The following TECPR2 variants were observed in gnomAD, a reference collection of about 807,000 sequenced individuals.
TECPR2 encodes tectonin beta-propeller repeat containing 2.
In TECPR2, 65 loss-of-function variants were observed where a neutral mutation model predicts 138.1. That is an observed-to-expected ratio of 0.47 (90% CI 0.39 to 0.58). TECPR2 has a LOEUF of 0.58. TECPR2 is among the 20% of genes least tolerant of loss of function. The pLI is 0.00. For missense variants in TECPR2, 1,553 were observed against 1,824.5 expected (o/e 0.85, Z 2.71); for synonymous variants, 746 against 749.8 (o/e 0.99, Z 0.08).
At chr14:102,447,129 C>A (rs538349289) in intron 13 of TECPR2, among the ~76,000 whole-genome samples, 1 of 152,182 alleles carries the variant, frequency 6.6e-6, no homozygotes, top group Non-Finnish European at 1.5e-5. Flanking sequence ...CCAGCAAGAG[C>A]GCCTAGAATG....
Position 102,443,381 on chromosome 14 carries a change from C to T in TECPR2, c.2753-266C>T, listed in dbSNP as rs984409971. Among the ~76,000 whole-genome samples the T allele has an allele frequency of 2.0e-5, 3 of 152,182 alleles. No homozygotes were observed. Among genetic ancestry groups the T allele is most frequent in the Non-Finnish European group, 1.5e-5 (1 of 68,034 alleles). On this transcript the variant is annotated intron_variant, in intron 11 of 19. Transcript: ENST00000359520. The surrounding 1 kb of genome is among the most constrained non-coding windows in gnomAD (Gnocchi z 4.9). ...ACAACAAAAAAGCGGCCGGACAGGG[C>T]AGCTCCTGCCTGTAATCCCAGCACT...
chr14:102,466,263 A>G (rs894572633), intron 17 of TECPR2, among the ~76,000 whole-genome samples: 2 of 152,178 alleles, frequency 1.3e-5, no homozygotes, highest in African/African-American at 4.8e-5. Context: ...ACTAGCGGTC[A>G]TGGCCACAGG....
intron 2 of TECPR2, among the ~76,000 whole-genome samples, chr14:102,397,285 T>C (rs1170706196): frequency 6.6e-6 from 1 of 152,096 alleles, no homozygotes; most frequent in East Asian, 1.9e-4. Flanking sequence ...TACCACAGTA[T>C]TAGATTCAAA....
chr14:102,385,988 T>C (rs1053174725), intron 2 of TECPR2, among the ~76,000 whole-genome samples: 1 of 152,012 alleles, frequency 6.6e-6, no homozygotes, highest in Non-Finnish European at 1.5e-5. Context: ...CACCCATACA[T>C]GCATATGCCT....
At chr14:102,430,336 A>G (rs1005776) in intron 7 of TECPR2, among the ~76,000 whole-genome samples, 101,200 of 152,114 alleles carry the variant, frequency 0.67, 33,869 homozygotes, top group Non-Finnish European at 0.7. Context: ...GTGGCTGCCT[A>G]TTGGACAGGG....
At chr14:102,497,528 C>T (rs765582901) in intron 18 of TECPR2, 42 bp from the exon 19 acceptor site, 5 of 1,469,500 alleles carry the variant, frequency 3.4e-6, no homozygotes, top group East Asian at 2.5e-5. Flanking sequence ...CGGCCCATCC[C>T]GTCCATGGCA....
chr14:102,430,600 G>A (rs1324820598), intron 7 of TECPR2, among the ~76,000 whole-genome samples: 1 of 152,226 alleles, frequency 6.6e-6, no homozygotes, highest in Non-Finnish European at 1.5e-5. Flanking sequence ...ATCAAAGTGG[G>A]CTGTGGTCTT....
intron 2 of TECPR2, among the ~76,000 whole-genome samples, chr14:102,384,703 G>A (rs1887944932): frequency 6.7e-6 from 1 of 149,486 alleles, no homozygotes; most frequent in African/African-American, 2.5e-5. Context: ...ATATATATGT[G>A]TGTGTGTGTG....
In TECPR2 at chr14:102,438,185, A is replaced by G; in HGVS notation, c.2558A>G (p.Gln853Arg). 6.2e-7 allele frequency: 1 copy of G among 1,609,182 alleles called. No individual in the cohort carries two copies. The highest frequency in any genetic ancestry group is 8.5e-7 in the Non-Finnish European group (1 of 1,179,438). The stretch of plus-strand genomic sequence containing the variant: ...CAGAAGTTTGAAGATGCTGTCCAGC[A>G]GGTGGCAGTCTCGCCCTCAGGTTCG... ...RWQKFEDAVQ[Q>R]VAVSPSGALL... The change falls in exon 10 of 20, where the codon CAG becomes CGG. Residue 853 changes from glutamine (Q) to arginine (R), a missense_variant. Physicochemically the swap from Gln to Arg is conservative, Grantham distance 43 (BLOSUM62 1). Coordinates refer to ENST00000359520, the MANE Select transcript of TECPR2 (RefSeq NM_014844.5).
chr14:102,363,013 C>T lies in TECPR2; in HGVS notation c.-176C>T, dbSNP rs1416208843. ...TTCGGTGCTGGCCCCGGTGCCGGCC[C>T]CGTTGCCCAGGGAACAGGCTCCCGG... On this transcript the variant is annotated 5_prime_UTR_variant, in exon 1 of 20. Coordinates refer to ENST00000359520, the MANE Select transcript of TECPR2 (RefSeq NM_014844.5). 31 of 943,336 alleles carry T rather than the reference C, an allele frequency of 3.3e-5. 1 individual carries two copies. In the Admixed American group the frequency reaches 6.6e-4, roughly 20 times the overall value. The allele number at this position is 943,336 out of a possible 1,614,324, so 58.4% of individuals were successfully genotyped here.
intron 16 of TECPR2, among the ~76,000 whole-genome samples, chr14:102,454,447 G>A (rs1431032591): frequency 6.6e-6 from 1 of 152,146 alleles, no homozygotes; most frequent in Non-Finnish European, 1.5e-5. Flanking sequence ...TTTGTCCAGG[G>A]CAACTTTTGT....
At chr14:102,473,542 T>C (rs1435313471) in intron 17 of TECPR2, among the ~76,000 whole-genome samples, 6 of 152,234 alleles carry the variant, frequency 3.9e-5, no homozygotes, top group Non-Finnish European at 8.8e-5. Context: ...GGATAGATGC[T>C]CAAGGGCACA....
chr14:102,454,245 G>A (rs1444465150), intron 16 of TECPR2, among the ~76,000 whole-genome samples: 2 of 152,120 alleles, frequency 1.3e-5, no homozygotes, highest in Non-Finnish European at 2.9e-5. Flanking sequence ...TATGCTACCA[G>A]CTGATGAGAG....
intron 5 of TECPR2, among the ~76,000 whole-genome samples, chr14:102,421,428 C>T (rs1237826418): frequency 6.6e-6 from 1 of 152,146 alleles, no homozygotes; most frequent in Non-Finnish European, 1.5e-5. Context: ...CTCCTTGGAC[C>T]CTATCCAAAG....
rs1891323763 is a variant in TECPR2 at position 102,497,661 on chromosome 14, C to T, written c.4023C>T (p.Asp1341=). ...TCGCCCGGCGGTACGGCGTCACAGA[C>T]AAGAACCCCGCCGGGGACTACTGGA... ...GDLARRYGVT[D]KNPAGDYWKK... is the part of the protein sequence containing the mutation. The change falls in exon 19 of 20, where the codon GAC becomes GAT. Residue 1341 remains aspartate, a synonymous_variant. Transcript: ENST00000359520. The T allele has an allele frequency of 1.9e-6, 3 of 1,609,200 alleles. No individual in the cohort carries two copies. The highest frequency in any genetic ancestry group is 2.5e-6 in the Non-Finnish European group (3 of 1,178,412).
At position 102,364,372 on chromosome 14, in the gene TECPR2, G is replaced by T. The variant is rs568706032; in HGVS notation, c.-73+1256G>T. 2.8e-4 allele frequency among the ~76,000 whole-genome samples: 43 copies of T among 152,304 alleles called. No individual in the cohort carries two copies. The South Asian group carries it at 8.3e-3, about 29-fold the overall frequency. On this transcript the variant is annotated intron_variant, in intron 1 of 19. Transcript: ENST00000359520. ...ACCTGACTTACGTCCCATATTGGTG[G>T]TTATTTGGCCATCGTGTGCCAGCAC...
In TECPR2 at chr14:102,436,140, G is replaced by A. The variant is rs1387732825; in HGVS notation, c.2394+929G>A. On this transcript the variant is annotated intron_variant, in intron 9 of 19. Coordinates refer to ENST00000359520, the MANE Select transcript of TECPR2 (RefSeq NM_014844.5). ...CTCTTCTTGTCCCCATTTTACAGAG[G>A]AGAAAATGGAAGCACAGAACAGCTA... is the stretch of plus-strand genomic sequence containing the variant. 2.0e-5 allele frequency among the ~76,000 whole-genome samples: 3 copies of A among 152,226 alleles called. No individual in the cohort carries two copies. The East Asian group carries it at 5.8e-4, about 29-fold the overall frequency.
intron 9 of TECPR2, 77 bp from the exon 10 acceptor site, chr14:102,437,945 A>G (rs1023383580): frequency 6.6e-7 from 1 of 1,510,038 alleles, no homozygotes; most frequent in Non-Finnish European, 9.0e-7. Flanking sequence ...ATATCCTCTC[A>G]CCTTTCTTAC....
chr14:102,470,882 G>A (rs527608547), intron 17 of TECPR2, among the ~76,000 whole-genome samples: 7 of 148,402 alleles, frequency 4.7e-5, no homozygotes, highest in African/African-American at 1.0e-4. Flanking sequence ...GCAGTGGCAC[G>A]ATCTCAGCTC....
Sources: allele counts gnomAD v4.1 joint callset (sites outside exome capture counted in the v4.1 genomes callset), GRCh38; gene constraint gnomAD v4.1.1; non-coding constraint Gnocchi (gnomAD v3.1); transcripts MANE v1.5; gene names NCBI Gene and HGNC (gene_info 2026-07-23, HGNC 2026-07-21).